UNC5C: variants seen among roughly 807,000 people sequenced by gnomAD.
UNC5C encodes unc-5 netrin receptor C.
UNC5C carries 47 observed loss-of-function variants against 99.8 expected under a neutral mutation model. The ratio of observed to expected loss-of-function variants is 0.47; its 90% confidence interval spans 0.37 to 0.60. The LOEUF (loss-of-function observed/expected upper bound fraction) is 0.60, where lower values mean the gene tolerates loss of function less well. Among genes scored for constraint, UNC5C ranks in the 20% least tolerant of loss-of-function variants. UNC5C has a pLI of 0.00. For missense variants in UNC5C, 1,062 were observed against 1,165.9 expected (o/e 0.91, Z 1.30); for synonymous variants, 487 against 452.2 (o/e 1.08, Z -0.98).
intron 4 of UNC5C, among the ~76,000 whole-genome samples, chr4:95,265,174 T>A (rs1333071397): frequency 6.6e-6 from 1 of 152,208 alleles, no homozygotes; most frequent in East Asian, 1.9e-4. Context: ...AGTGACTTTA[T>A]TCACTCTCAA....
chr4:95,376,401 T>G (rs1316441678), intron 1 of UNC5C, among the ~76,000 whole-genome samples: 2 of 152,110 alleles, frequency 1.3e-5, no homozygotes, highest in Non-Finnish European at 2.9e-5. Context: ...AACATTAAAA[T>G]CGTTTTCATA....
rs1383827633 is a variant in UNC5C at position 95,163,138 on chromosome 4, C to G, written c.*6096G>C. On this transcript the variant is annotated 3_prime_UTR_variant, in exon 16 of 16. Transcript: ENST00000453304. ...GAGGGCTGCGCTACCAATGGCAGAT[C>G]TAGGAAAGCGTGAAGAAGAGAATGC... 1 of 152,236 alleles carries G rather than the reference C, an allele frequency of 6.6e-6. No homozygotes were observed. Among genetic ancestry groups the G allele is most frequent in the African/African-American group, 2.4e-5 (1 of 41,438 alleles). 9.4% of individuals were successfully genotyped at this position (152,236 alleles called of 1,614,324 possible). A position where few individuals can be genotyped will look rare whatever the true frequency, so the allele number is the denominator to read the frequency against.
At chr4:95,457,455 T>C (rs1300858072) in intron 1 of UNC5C, among the ~76,000 whole-genome samples, 1 of 152,124 alleles carries the variant, frequency 6.6e-6, no homozygotes, top group African/African-American at 2.4e-5. Flanking sequence ...ATCAAATATT[T>C]CTACCACCTT....
intron 1 of UNC5C, among the ~76,000 whole-genome samples, chr4:95,530,403 A>T (rs918197601): frequency 1.3e-5 from 2 of 152,344 alleles, no homozygotes; most frequent in East Asian, 3.9e-4. Context: ...CACAAAGTTC[A>T]TTCACTCCCA....
At position 95,314,051 on chromosome 4, in the gene UNC5C, T is replaced by C. The variant is rs192934872; in HGVS notation, c.347-12302A>G. ...AAATCCATAAAATGTCTTTAAAATG[T>C]ACTGCATCATAATTATCTTGTGAAT... is the stretch of plus-strand genomic sequence containing the variant. On this transcript the variant is annotated intron_variant, in intron 2 of 15. Coordinates refer to ENST00000453304, the MANE Select transcript of UNC5C (RefSeq NM_003728.4). Among the ~76,000 whole-genome samples, 9 of 152,326 alleles carry C rather than the reference T, an allele frequency of 5.9e-5. No homozygotes were observed. In the South Asian group the frequency reaches 6.2e-4, roughly 11 times the overall value.
intron 4 of UNC5C, among the ~76,000 whole-genome samples, chr4:95,259,634 T>A (rs1488480019): frequency 1.3e-5 from 2 of 152,244 alleles, no homozygotes; most frequent in Admixed American, 1.3e-4. Flanking sequence ...GTCATTAGCA[T>A]GCATTTGCTT....
chr4:95,393,848 C>CTGTTT (rs1553968852), intron 1 of UNC5C, among the ~76,000 whole-genome samples: 2 of 113,372 alleles, frequency 1.8e-5, no homozygotes, highest in Admixed American at 8.7e-5. Flanking sequence ...ATACAATCTA[C>CTGTTT]TGTTTTTTTT....
chr4:95,205,987 C>T (rs7693043), intron 11 of UNC5C, among the ~76,000 whole-genome samples: 109,532 of 151,056 alleles, frequency 0.73, 40,703 homozygotes, highest in Middle Eastern at 0.89. Context: ...AAATTATATA[C>T]GTATATATAC....
In UNC5C at chr4:95,163,222, G is replaced by T. The variant is rs1054802041; in HGVS notation, c.*6012C>A. On this transcript the variant is annotated 3_prime_UTR_variant, in exon 16 of 16. Transcript: ENST00000453304. ...TTTTTCTTGTCCATGGCCTGGAGGA[G>T]TAGACATCTGAGTTTTTACCCCTAC... is the stretch of plus-strand genomic sequence containing the variant. 2.0e-5 allele frequency: 3 copies of T among 152,314 alleles called. No homozygotes were observed. The highest frequency in any genetic ancestry group is 4.1e-4 in the South Asian group (2 of 4,820). 9.4% of individuals were successfully genotyped at this position (152,314 alleles called of 1,614,324 possible). A position where few individuals can be genotyped will look rare whatever the true frequency, so the allele number is the denominator to read the frequency against.
At chr4:95,497,810 T>C (rs961302753) in intron 1 of UNC5C, among the ~76,000 whole-genome samples, 1 of 152,000 alleles carries the variant, frequency 6.6e-6, no homozygotes, top group African/African-American at 2.4e-5. Flanking sequence ...ATTTTTATCT[T>C]GTGTTTTTCC....
In UNC5C at chr4:95,170,146, A is replaced by G. The variant is rs369594365; in HGVS notation, c.2630+8T>C. On this transcript the variant is annotated splice_region_variant and intron_variant, in intron 15 of 15. Coordinates refer to ENST00000453304, the MANE Select transcript of UNC5C (RefSeq NM_003728.4). Reference sequence around the variant, plus strand: ...AAGAAGCTAGTCTTGGGGCCAGACCATACCCACCTGTCCAGGTTCAGCTTA... The same window carrying G: ...AAGAAGCTAGTCTTGGGGCCAGACCGTACCCACCTGTCCAGGTTCAGCTTA... The G allele has an allele frequency of 1.8e-4, 295 of 1,613,370 alleles. No individual in the cohort carries two copies. The highest frequency in any genetic ancestry group is 2.3e-4 in the Non-Finnish European group (276 of 1,179,538).
chr4:95,522,204 A>C (rs905648485), intron 1 of UNC5C, among the ~76,000 whole-genome samples: 1 of 152,068 alleles, frequency 6.6e-6, no homozygotes, highest in Non-Finnish European at 1.5e-5. Flanking sequence ...TAATACTCTA[A>C]TACTCTATAT....
At chr4:95,328,040 C>A (rs1475554879) in intron 2 of UNC5C, among the ~76,000 whole-genome samples, 1 of 87,092 alleles carries the variant, frequency 1.1e-5, no homozygotes, top group Non-Finnish European at 2.2e-5. Context: ...CAGGCAACTT[C>A]TTTTTTTTTT....
At chr4:95,360,367 A>C (rs1279459456) in intron 1 of UNC5C, among the ~76,000 whole-genome samples, 1 of 152,212 alleles carries the variant, frequency 6.6e-6, no homozygotes, top group Non-Finnish European at 1.5e-5. Context: ...CCACAATATG[A>C]AGAGGAGCAG....
intron 1 of UNC5C, among the ~76,000 whole-genome samples, chr4:95,527,482 G>GT (rs1282391165): frequency 2.0e-5 from 3 of 151,982 alleles, no homozygotes; most frequent in African/African-American, 4.8e-5. Context: ...GCAAACTTGA[G>GT]TTTTTTTAAA....
chr4:95,435,391 G>A (rs1054732274), intron 1 of UNC5C, among the ~76,000 whole-genome samples: 4 of 152,048 alleles, frequency 2.6e-5, no homozygotes, highest in Non-Finnish European at 5.9e-5. Context: ...CAATTAGAAA[G>A]TTAGAGTGCC....
At chr4:95,230,169 G>A (rs1054521026) in intron 7 of UNC5C, among the ~76,000 whole-genome samples, 1 of 151,940 alleles carries the variant, frequency 6.6e-6, no homozygotes, top group Non-Finnish European at 1.5e-5. Flanking sequence ...ATCTCATTGT[G>A]GTTTCGATTT....
At chr4:95,547,969 A>T (rs1209689266) in intron 1 of UNC5C, among the ~76,000 whole-genome samples, 1 of 152,082 alleles carries the variant, frequency 6.6e-6, no homozygotes, top group African/African-American at 2.4e-5. Flanking sequence ...AGAGTTATAA[A>T]CTGGTCGACT....
chr4:95,270,266 A>T (rs1392712892), intron 4 of UNC5C, among the ~76,000 whole-genome samples: 2 of 152,158 alleles, frequency 1.3e-5, no homozygotes. Context: ...TTTGCTTCTC[A>T]GTTTTGGAAA....
Sources: allele counts gnomAD v4.1 joint callset (sites outside exome capture counted in the v4.1 genomes callset), GRCh38; gene constraint gnomAD v4.1.1; transcripts MANE v1.5; gene names NCBI Gene and HGNC (gene_info 2026-07-23, HGNC 2026-07-21).